CROT: variants seen among roughly 807,000 people sequenced by gnomAD.
The protein encoded by CROT is carnitine O-octanoyltransferase, also known as peroxisomal carnitine O-octanoyltransferase.
In CROT, 84 loss-of-function variants were observed where a neutral mutation model predicts 89.2. That is an observed-to-expected ratio of 0.94 (90% CI 0.79 to 1.13). The LOEUF (loss-of-function observed/expected upper bound fraction) is 1.13, where lower values mean the gene tolerates loss of function less well. CROT is among the 50% of genes most tolerant of loss of function. CROT has a pLI of 0.00. For synonymous variants in CROT, 212 were observed against 239.5 expected, an observed-to-expected ratio of 0.89 and a Z score of 1.06; for missense variants, 711 against 727.8, an observed-to-expected ratio of 0.98 and a Z score of 0.27.
At chr7:87,358,475 C>G (rs1437382406) in intron 3 of CROT, among the ~76,000 whole-genome samples, 2 of 102,424 alleles carry the variant, frequency 2.0e-5, no homozygotes, top group African/African-American at 7.8e-5. Flanking sequence ...GAGCGAGACT[C>G]CATCTCAAAA....
At chr7:87,369,622 CT>C (rs1806563505) in intron 7 of CROT, 138 bp downstream of exon 7, 4 of 217,800 alleles carry the variant, frequency 1.8e-5, no homozygotes, top group Middle Eastern at 9.7e-4. Context: ...AAAAAAAAAT[CT>C]ATTTGTATTT....
intron 10 of CROT, among the ~76,000 whole-genome samples, chr7:87,379,520 A>G (rs1806924532): frequency 6.6e-6 from 1 of 152,208 alleles, no homozygotes; most frequent in South Asian, 2.1e-4. Flanking sequence ...GATTTTTACT[A>G]ATAGCACCAG....
intron 8 of CROT, 29 bp downstream of exon 8, chr7:87,375,754 C>T: frequency 6.2e-7 from 1 of 1,611,976 alleles, no homozygotes; most frequent in Non-Finnish European, 8.5e-7. Flanking sequence ...CTTAACGAAG[C>T]TTTTCTCTAA....
Position 87,398,579 on chromosome 7 carries a change from C to T in CROT, c.1774C>T (p.Leu592=). ...CTGTCCCGAGACTGATGCGGAAAAG[C>T]TAGTTCAGCTGACTTTTTGTGCTTT... ...KSCPETDAEK[L]VQLTFCAFHD... is the part of the protein sequence containing the mutation. The change falls in exon 18 of 18, where the codon CTA becomes TTA. Residue 592 remains leucine (L), a synonymous_variant. Coordinates refer to ENST00000331536, the MANE Select transcript of CROT (RefSeq NM_021151.4). 6.2e-7 allele frequency: 1 copy of T among 1,613,754 alleles called. No homozygotes were observed. The highest frequency in any genetic ancestry group is 8.5e-7 in the Non-Finnish European group (1 of 1,179,858).
Position 87,391,725 on chromosome 7 carries a change from A to G in CROT, c.1425+13A>G, listed in dbSNP as rs199571640. ...TCCTTCTGTCAATGTGAGTATTGGA[A>G]AGGAAAAAAACTCACAAGATTTGTT... On this transcript the variant is annotated intron_variant, in intron 14 of 17. Coordinates refer to ENST00000331536, the MANE Select transcript of CROT (RefSeq NM_021151.4). The G allele has an allele frequency of 1.3e-6, 2 of 1,598,462 alleles. No individual in the cohort carries two copies. The highest frequency in any genetic ancestry group is 2.7e-5 in the African/African-American group (2 of 73,940).
chr7:87,393,129 T>G lies in CROT; in HGVS notation c.1718+62T>G, dbSNP rs1370910404. On this transcript the variant is annotated intron_variant, in intron 17 of 17. Coordinates refer to ENST00000331536, the MANE Select transcript of CROT (RefSeq NM_021151.4). ...AGTAGGAAAGGTATTACTTTTGTTT[T>G]TAAATGCCTTTCCTACACTGTGATT... The G allele has an allele frequency of 2.6e-6, 4 of 1,526,150 alleles. No individual in the cohort carries two copies. In the African/African-American group the frequency reaches 5.6e-5, roughly 21 times the overall value. The allele number at this position is 1,526,150 out of a possible 1,614,324, so 94.5% of individuals were successfully genotyped here.
intron 3 of CROT, among the ~76,000 whole-genome samples, chr7:87,350,748 G>A (rs1194127178): frequency 1.3e-5 from 2 of 152,098 alleles, no homozygotes; most frequent in Non-Finnish European, 2.9e-5. Flanking sequence ...TAAGACCAGG[G>A]TCTGATTGCA....
intron 3 of CROT, among the ~76,000 whole-genome samples, chr7:87,353,945 G>A (rs1016866335): frequency 6.6e-6 from 1 of 152,188 alleles, no homozygotes; most frequent in Non-Finnish European, 1.5e-5. Context: ...GGAGTTCATG[G>A]TGTGACTAAA....
chr7:87,385,549 C>T (rs1241888626), intron 13 of CROT, among the ~76,000 whole-genome samples: 1 of 152,080 alleles, frequency 6.6e-6, no homozygotes, highest in Admixed American at 6.6e-5. Flanking sequence ...TTATATCTTG[C>T]AACTTTACTG....
chr7:87,375,501 G>A (rs1221520455), intron 7 of CROT, 131 bp from the exon 8 acceptor site: 1 of 585,352 alleles, frequency 1.7e-6, no homozygotes. Context: ...AAATCTATTG[G>A]CATCATAAGT....
At position 87,358,839 on chromosome 7, in the gene CROT, GTGT is replaced by G. The variant is rs373629513; in HGVS notation, c.116-362_116-360del. Among the ~76,000 whole-genome samples, 7 of 152,206 alleles carry G rather than the reference GTGT, an allele frequency of 4.6e-5. No homozygotes were observed. In the East Asian group the frequency reaches 1.3e-3, roughly 29 times the overall value. On this transcript the variant is annotated intron_variant, in intron 3 of 17. Transcript: ENST00000331536. ...AAATGGACCTGTGCAGTTCAAACTC[GTGT>G]TGTTCGAGTCAACCATGTCCTTAAA...
chr7:87,347,387 T>C (rs1254800332), intron 2 of CROT, among the ~76,000 whole-genome samples: 1 of 152,240 alleles, frequency 6.6e-6, no homozygotes, highest in African/African-American at 2.4e-5. Flanking sequence ...ATTCTGACTT[T>C]ATTGAATTGT....
Position 87,375,449 on chromosome 7 carries a change from T to C in CROT, c.657-183T>C, listed in dbSNP as rs1007979322. ...AAATTATTGTCAAATATGCTTTTGG[T>C]GTTAATAGAACACAATCACTTAAAA... On this transcript the variant is annotated intron_variant, in intron 7 of 17. Coordinates refer to ENST00000331536, the MANE Select transcript of CROT (RefSeq NM_021151.4). 11 of 536,282 alleles carry C rather than the reference T, an allele frequency of 2.1e-5. No homozygotes were observed. The Admixed American group carries it at 3.6e-4, about 18-fold the overall frequency. 33.2% of individuals were successfully genotyped at this position (536,282 alleles called of 1,614,324 possible). A position where few individuals can be genotyped will look rare whatever the true frequency, so the allele number is the denominator to read the frequency against.
intron 4 of CROT, 62 bp downstream of exon 4, chr7:87,359,392 G>T: frequency 6.6e-7 from 1 of 1,505,036 alleles, no homozygotes; most frequent in Non-Finnish European, 8.9e-7. Context: ...AAAGTGCATA[G>T]TTTTTATTTT....
chr7:87,349,622 G>T (rs139885861), intron 3 of CROT, among the ~76,000 whole-genome samples: 592 of 152,300 alleles, frequency 3.9e-3, no homozygotes, highest in African/African-American at 0.013. Flanking sequence ...ACTTTCTACT[G>T]TTGTAGGAGT....
intron 10 of CROT, among the ~76,000 whole-genome samples, chr7:87,381,450 A>G (rs1213077616): frequency 6.6e-6 from 1 of 152,190 alleles, no homozygotes; most frequent in East Asian, 1.9e-4. Flanking sequence ...TATGCTTTCT[A>G]ATATTCACTA....
chr7:87,360,104 T>C (rs903440888), intron 4 of CROT: 1 of 950,798 alleles, frequency 1.1e-6, no homozygotes, highest in African/African-American at 1.8e-5. Flanking sequence ...TAAAGAGGGG[T>C]AAAGGTAAAG....
chr7:87,353,717 GT>G (rs1172033765), intron 3 of CROT, among the ~76,000 whole-genome samples: 4 of 152,200 alleles, frequency 2.6e-5, no homozygotes, highest in Non-Finnish European at 5.9e-5. Context: ...GAAAGAGAGA[GT>G]GACAGTGAGG....
intron 13 of CROT, among the ~76,000 whole-genome samples, chr7:87,384,498 C>T (rs1343501674): frequency 6.6e-6 from 1 of 152,218 alleles, no homozygotes; most frequent in Non-Finnish European, 1.5e-5. Context: ...TGCCACTGCA[C>T]TCCAGCCTGG....
Sources: gnomAD v4.1 joint callset for allele counts (sites outside exome capture counted in the v4.1 genomes callset) on GRCh38, gnomAD v4.1.1 for gene constraint, MANE v1.5 for transcripts, NCBI Gene and HGNC (gene_info 2026-07-23, HGNC 2026-07-21) for gene names.